Variants in NRXN1 observed in about 807,000 individuals in gnomAD.
The protein encoded by NRXN1 is neurexin-1.
Under a neutral mutation model 150.9 loss-of-function variants are expected in NRXN1, and 39 were observed. The ratio of observed to expected loss-of-function variants is 0.26; its 90% confidence interval spans 0.20 to 0.34. The LOEUF (loss-of-function observed/expected upper bound fraction) is 0.34. NRXN1 is among the 10% of genes least tolerant of loss of function. The pLI is 1.00. For missense variants in NRXN1, 1,815 were observed against 1,949.9 expected, an observed-to-expected ratio of 0.93 and a Z score of 1.30; for synonymous variants, 924 against 757.0, an observed-to-expected ratio of 1.22 and a Z score of -3.62.
intron 17 of NRXN1, among the ~76,000 whole-genome samples, chr2:50,318,813 T>C (rs2075809083): frequency 6.6e-6 from 1 of 152,090 alleles, no homozygotes; most frequent in South Asian, 2.1e-4. Flanking sequence ...TAGCTAGCTA[T>C]CTCAGGATAA....
At chr2:50,824,842 G>A (rs978610808) in intron 5 of NRXN1, among the ~76,000 whole-genome samples, 4 of 152,134 alleles carry the variant, frequency 2.6e-5, no homozygotes, top group African/African-American at 7.2e-5. Flanking sequence ...TCATTAGTAA[G>A]ATGAATAACA....
chr2:49,997,298 A>C (rs1683160214), intron 21 of NRXN1, among the ~76,000 whole-genome samples: 1 of 152,170 alleles, frequency 6.6e-6, no homozygotes, highest in African/African-American at 2.4e-5. Flanking sequence ...GGAAAATTTA[A>C]ATAGTATGTA....
intron 17 of NRXN1, among the ~76,000 whole-genome samples, chr2:50,321,652 G>A (rs2076048395): frequency 6.6e-6 from 1 of 152,006 alleles, no homozygotes; most frequent in South Asian, 2.1e-4. Context: ...AAATGAGAGA[G>A]GCAAGGTGCT....
chr2:50,314,862 A>C (rs2152967745), intron 17 of NRXN1, among the ~76,000 whole-genome samples: 1 of 151,984 alleles, frequency 6.6e-6, no homozygotes, highest in Admixed American at 6.6e-5. Flanking sequence ...GCAATTTTTC[A>C]ACCCTTCTGA....
At chr2:50,614,310 C>A (rs946274147) in intron 8 of NRXN1, among the ~76,000 whole-genome samples, 9 of 152,140 alleles carry the variant, frequency 5.9e-5, no homozygotes, top group Non-Finnish European at 1.3e-4. Context: ...GATTTCCAGA[C>A]ATCACTGAAG....
At chr2:50,355,363 A>T (rs1053049510) in intron 17 of NRXN1, among the ~76,000 whole-genome samples, 2 of 151,538 alleles carry the variant, frequency 1.3e-5, no homozygotes, top group Non-Finnish European at 2.9e-5. Context: ...ATAAGTTGGT[A>T]TGACTATTCT....
At position 50,002,099 on chromosome 2, in the gene NRXN1, C is replaced by T. The variant is rs528120931; in HGVS notation, c.4128+51172G>A. On this transcript the variant is annotated intron_variant, in intron 21 of 22. Transcript: ENST00000401669. ...CCCTGAGCTCTAGAAAGGAATGCAG[C>T]CCTGCCAATTCTGTGATTGTAGTCT... Among the ~76,000 whole-genome samples, 12 of 152,010 alleles carry T rather than the reference C, an allele frequency of 7.9e-5. No individual in the cohort carries two copies. The South Asian group carries it at 2.5e-3, about 32-fold the overall frequency.
intron 18 of NRXN1, among the ~76,000 whole-genome samples, chr2:50,213,929 AT>A (rs2152847306): frequency 6.6e-6 from 1 of 152,098 alleles, no homozygotes; most frequent in Admixed American, 6.6e-5. Flanking sequence ...ATATTAATGC[AT>A]CCTAAAATTG....
At position 50,797,105 on chromosome 2, in the gene NRXN1, T is replaced by A. The variant is rs530858410; in HGVS notation, c.832+124764A>T. ...CTTTCCGAAAGTCCCCATCTCTTAA[T>A]ACTATCACATTAGGTATTAGGTTCC... On this transcript the variant is annotated intron_variant, in intron 5 of 22. Transcript: ENST00000401669. 2.6e-5 allele frequency among the ~76,000 whole-genome samples: 4 copies of A among 152,308 alleles called. 1 individual carries two copies. The highest frequency in any genetic ancestry group is 7.2e-5 in the African/African-American group (3 of 41,584).
chr2:50,575,845 C>A (rs1196206221), intron 8 of NRXN1, among the ~76,000 whole-genome samples: 6 of 152,258 alleles, frequency 3.9e-5, no homozygotes, highest in East Asian at 1.9e-4. Context: ...ACAACTTTTT[C>A]TTTGGAGGCA....
intron 17 of NRXN1, among the ~76,000 whole-genome samples, chr2:50,314,905 T>A (rs2152967775): frequency 6.6e-6 from 1 of 152,164 alleles, no homozygotes; most frequent in Middle Eastern, 3.4e-3. Flanking sequence ...AATGAGGGTG[T>A]TAAAGGCAGG....
chr2:50,187,076 T>A (rs1471772579), intron 18 of NRXN1, among the ~76,000 whole-genome samples: 1 of 152,004 alleles, frequency 6.6e-6, no homozygotes, highest in East Asian at 1.9e-4. Context: ...AATAACATCA[T>A]AAAGTCAATG....
intron 17 of NRXN1, among the ~76,000 whole-genome samples, chr2:50,265,108 TATC>T (rs1158044176): frequency 3.3e-5 from 5 of 152,146 alleles, no homozygotes; most frequent in African/African-American, 1.2e-4. Context: ...AGTTTAATAG[TATC>T]ATATGAAGAA....
chr2:50,818,407 CTG>C (rs898176016), intron 5 of NRXN1, among the ~76,000 whole-genome samples: 25 of 151,950 alleles, frequency 1.6e-4, no homozygotes, highest in African/African-American at 5.8e-4. Context: ...TTATCACTAA[CTG>C]TTTTATTATT....
intron 5 of NRXN1, among the ~76,000 whole-genome samples, chr2:50,687,551 C>T (rs1341476116): frequency 2.0e-5 from 3 of 152,042 alleles, no homozygotes; most frequent in Non-Finnish European, 2.9e-5. Context: ...TCTAATCTGT[C>T]GTGGGCTGGG....
intron 5 of NRXN1, among the ~76,000 whole-genome samples, chr2:50,779,316 T>C (rs1216703974): frequency 6.6e-6 from 1 of 152,216 alleles, no homozygotes; most frequent in African/African-American, 2.4e-5. Flanking sequence ...TGATGGTTTT[T>C]CAGTTTAATC....
rs113872693 is a variant in NRXN1 at position 50,566,384 on chromosome 2, C to G, written c.1321-13359G>C. On this transcript the variant is annotated intron_variant, in intron 8 of 22. Transcript: ENST00000401669. The stretch of plus-strand genomic sequence containing the variant: ...TCAGCCTCCCAAGTAGCTGCAACTA[C>G]AGGCACGTGCCACCACGCCCAGCTA... 9.5e-4 allele frequency among the ~76,000 whole-genome samples: 144 copies of G among 151,292 alleles called. 1 individual carries two copies. The highest frequency in any genetic ancestry group is 3.3e-3 in the African/African-American group (136 of 41,146).
chr2:50,663,351 G>A (rs567230887), intron 5 of NRXN1, among the ~76,000 whole-genome samples: 2 of 151,778 alleles, frequency 1.3e-5, no homozygotes, highest in African/African-American at 4.8e-5. Flanking sequence ...ATTAACCTTC[G>A]GACTCTCCTT....
chr2:49,979,894 ATTGTTTTTTTGGTTTTTTTTTT>A (rs1426601343), intron 21 of NRXN1, among the ~76,000 whole-genome samples: 1 of 110,126 alleles, frequency 9.1e-6, no homozygotes, highest in Non-Finnish European at 2.1e-5. Context: ...ATAGTCTTAT[ATTGTTTTTTTGGTTTTTTTTTT>A]CTGCTACTGT....
Sources: allele counts gnomAD v4.1 joint callset (sites outside exome capture counted in the v4.1 genomes callset), GRCh38; gene constraint gnomAD v4.1.1; transcripts MANE v1.5; gene names NCBI Gene and HGNC (gene_info 2026-07-23, HGNC 2026-07-21).